The following FRMD6 variants were observed in gnomAD, a reference collection of about 807,000 sequenced individuals.
FRMD6 encodes the protein FERM domain containing 6.
FRMD6 carries 37 observed loss-of-function variants against 73.2 expected under a neutral mutation model. That is an observed-to-expected ratio of 0.51 (90% CI 0.39 to 0.66). The LOEUF (loss-of-function observed/expected upper bound fraction) is 0.66, where lower values mean the gene tolerates loss of function less well. FRMD6 is among the 30% of genes least tolerant of loss of function. The probability of loss-of-function intolerance (pLI) is 0.00; values close to 1 mark genes in which losing one functional copy is unlikely to be tolerated. For missense variants in FRMD6, 714 were observed against 780.5 expected, an observed-to-expected ratio of 0.91 and a Z score of 1.02; for synonymous variants, 273 against 282.2, an observed-to-expected ratio of 0.97 and a Z score of 0.33.
At chr14:51,600,548 A>G (rs1446823208) in intron 2 of FRMD6, among the ~76,000 whole-genome samples, 1 of 152,220 alleles carries the variant, frequency 6.6e-6, no homozygotes, top group Non-Finnish European at 1.5e-5. Context: ...ACCCATTTAT[A>G]AAGGAGGTTA....
At chr14:51,704,681 G>A in intron 5 of FRMD6, 68 bp from the exon 6 acceptor site, 4 of 1,282,488 alleles carry the variant, frequency 3.1e-6, no homozygotes, top group Non-Finnish European at 4.4e-6. Context: ...AGAAGGATTT[G>A]GGTTCTGTTT....
At chr14:51,457,148 A>G in the FRMD6 span, among the ~76,000 whole-genome samples, 3 of 152,220 alleles carry the variant, frequency 2.0e-5, no homozygotes, top group Non-Finnish European at 4.4e-5. Flanking sequence ...TTCTCACCAC[A>G]AAGAAATAAT....
intron 1 of FRMD6, among the ~76,000 whole-genome samples, chr14:51,568,947 G>A (rs181098260): frequency 6.6e-6 from 1 of 151,008 alleles, no homozygotes; most frequent in East Asian, 2.0e-4. Flanking sequence ...CCGGGTTCAA[G>A]CAGTTCTCCT....
At chr14:51,621,220 T>C (rs1890913453) in intron 2 of FRMD6, among the ~76,000 whole-genome samples, 1 of 152,076 alleles carries the variant, frequency 6.6e-6, no homozygotes, top group Non-Finnish European at 1.5e-5. Context: ...TGTTTGTGCT[T>C]GATGTTATAA....
intron 1 of FRMD6, among the ~76,000 whole-genome samples, chr14:51,543,783 G>C (rs924099381): frequency 2.5e-4 from 38 of 152,008 alleles, no homozygotes; most frequent in African/African-American, 8.9e-4. Flanking sequence ...TTTGGGCAAG[G>C]GAGTTCCATG....
the FRMD6 span, among the ~76,000 whole-genome samples, chr14:51,483,339 A>G: frequency 1.8e-3 from 271 of 152,360 alleles, 2 homozygotes; most frequent in Non-Finnish European, 2.7e-3. Context: ...GTACACACAT[A>G]TACAAGAAAG....
chr14:51,650,080 C>A (rs1566527576), upstream of FRMD6: 1 of 152,130 alleles, frequency 6.6e-6, no homozygotes, highest in African/African-American at 2.4e-5. Flanking sequence ...ATTTCTTGTT[C>A]TCTTTTGCAT....
chr14:51,724,763 T>C (rs11622452), intron 12 of FRMD6, among the ~76,000 whole-genome samples: 40,806 of 151,614 alleles, frequency 0.27, 6,148 homozygotes, highest in Non-Finnish European at 0.34. Flanking sequence ...TTTGGCCTTA[T>C]GGATCTAGGG....
the FRMD6 span, among the ~76,000 whole-genome samples, chr14:51,412,585 C>A: frequency 6.6e-6 from 1 of 152,146 alleles, no homozygotes; most frequent in East Asian, 1.9e-4. Context: ...GGCGCGGTGG[C>A]TCACGCCTGT....
intron 1 of FRMD6, among the ~76,000 whole-genome samples, chr14:51,538,662 C>T (rs953690949): frequency 5.9e-5 from 9 of 152,038 alleles, no homozygotes; most frequent in African/African-American, 2.2e-4. Flanking sequence ...TATTCTTTCC[C>T]CATAATTTTC....
At chr14:51,436,150 A>G in the FRMD6 span, 1 of 260,916 alleles carries the variant, frequency 3.8e-6, no homozygotes, top group Non-Finnish European at 7.5e-6. Flanking sequence ...AAGAAGGGAG[A>G]AGAAGAGCAA....
At chr14:51,500,138 C>T (rs956049892) in intron 1 of FRMD6, among the ~76,000 whole-genome samples, 1 of 152,226 alleles carries the variant, frequency 6.6e-6, no homozygotes, top group African/African-American at 2.4e-5. Flanking sequence ...CAAATGTTGC[C>T]GGAGCTGCAT....
chr14:51,655,564 AG>A (rs1892763598), intron 1 of FRMD6, among the ~76,000 whole-genome samples: 1 of 152,200 alleles, frequency 6.6e-6, no homozygotes, highest in African/African-American at 2.4e-5. Context: ...GGCCTTTAAA[AG>A]TAAGTAGAAA....
At chr14:51,409,213 C>A in the FRMD6 span, among the ~76,000 whole-genome samples, 1 of 152,094 alleles carries the variant, frequency 6.6e-6, no homozygotes, top group Non-Finnish European at 1.5e-5. Context: ...GCTTCTTCTT[C>A]CTCCAATCCT....
chr14:51,682,671 A>G (rs1420104244), intron 1 of FRMD6, among the ~76,000 whole-genome samples: 1 of 152,148 alleles, frequency 6.6e-6, no homozygotes, highest in Non-Finnish European at 1.5e-5. Flanking sequence ...TTCTCAGGAG[A>G]TTTCTTACCA....
chr14:51,636,040 G>C (rs764871934), intron 2 of FRMD6, among the ~76,000 whole-genome samples: 2 of 152,248 alleles, frequency 1.3e-5, no homozygotes, highest in Non-Finnish European at 2.9e-5. Flanking sequence ...GGAAGGCAAA[G>C]AAAGAGGCTG....
intron 1 of FRMD6, among the ~76,000 whole-genome samples, chr14:51,506,515 A>G (rs980372981): frequency 1.3e-5 from 2 of 152,224 alleles, no homozygotes; most frequent in Non-Finnish European, 2.9e-5. Flanking sequence ...ATCAGACTGG[A>G]AGAGATTAAA....
chr14:51,490,616 T>TTGTGTGTGTGTGTGTG lies in FRMD6; in HGVS notation c.-210+1200_-210+1215dup, dbSNP rs58046471. 4.0e-3 allele frequency among the ~76,000 whole-genome samples: 592 copies of TTGTGTGTGTGTGTGTG among 148,118 alleles called. 2 individuals carry two copies. The highest frequency in any genetic ancestry group is 7.4e-3 in the South Asian group (34 of 4,568). On this transcript the variant is annotated intron_variant, in intron 1 of 14. Coordinates refer to the FRMD6 transcript ENST00000356218. ...GTCCTGGACGATATATGTGTGTATT[T>TTGTGTGTGTGTGTGTG]TGTGTGTGTGTGTGTGTGTATAAAA...
chr14:51,722,510 T>G (rs1472702881), intron 12 of FRMD6, among the ~76,000 whole-genome samples: 1 of 152,156 alleles, frequency 6.6e-6, no homozygotes, highest in African/African-American at 2.4e-5. Flanking sequence ...TTTTTTTGTT[T>G]TTTGTTTTTC....
Sources: gnomAD v4.1 joint callset for allele counts (sites outside exome capture counted in the v4.1 genomes callset) on GRCh38, gnomAD v4.1.1 for gene constraint, MANE v1.5 for transcripts, NCBI Gene and HGNC (gene_info 2026-07-23, HGNC 2026-07-21) for gene names.